The following CNTLN variants were observed in gnomAD, a reference collection of about 807,000 sequenced individuals.
CNTLN encodes the protein centlein, also known as centlein, centrosomal protein.
CNTLN carries 212 observed loss-of-function variants against 180.0 expected under a neutral mutation model. The observed-to-expected ratio is 1.18, with a 90% confidence interval of 1.05 to 1.32. The LOEUF (loss-of-function observed/expected upper bound fraction) is 1.32, where lower values mean the gene tolerates loss of function less well. Among genes scored for constraint, CNTLN ranks in the 40% most tolerant of loss-of-function variants. CNTLN has a pLI of 0.00. For synonymous variants in CNTLN, 722 were observed against 563.1 expected, an observed-to-expected ratio of 1.28 and a Z score of -3.99; for missense variants, 2,095 against 1,610.9, an observed-to-expected ratio of 1.30 and a Z score of -5.14.
intron 6 of CNTLN, among the ~76,000 whole-genome samples, chr9:17,291,984 GGTA>G (rs376023803): frequency 5.5e-4 from 84 of 152,268 alleles, no homozygotes; most frequent in African/African-American, 2.0e-3. Context: ...GCTCTTGCAA[GGTA>G]GGCCTGGTGG....
At chr9:17,410,628 C>G (rs1002786486) in intron 16 of CNTLN, among the ~76,000 whole-genome samples, 1 of 152,032 alleles carries the variant, frequency 6.6e-6, no homozygotes, top group Non-Finnish European at 1.5e-5. Flanking sequence ...GTAGATATAT[C>G]CTATGCTACC....
chr9:17,182,187 C>A (rs1821166343), intron 2 of CNTLN, among the ~76,000 whole-genome samples: 1 of 150,790 alleles, frequency 6.6e-6, no homozygotes, highest in Admixed American at 6.6e-5. Flanking sequence ...TCCTTTGGTA[C>A]TTGTCAGGAG....
At chr9:17,426,481 T>C (rs1165760115) in intron 18 of CNTLN, among the ~76,000 whole-genome samples, 1 of 152,082 alleles carries the variant, frequency 6.6e-6, no homozygotes, top group African/African-American at 2.4e-5. Context: ...TTACATATTG[T>C]TATCTGAGAG....
chr9:17,370,002 A>T lies in CNTLN; in HGVS notation c.1987+3285A>T, dbSNP rs190864764. Among the ~76,000 whole-genome samples, 2 of 151,698 alleles carry T rather than the reference A, an allele frequency of 1.3e-5. 1 individual carries two copies. The highest frequency in any genetic ancestry group is 1.3e-4 in the Admixed American group (2 of 15,230). ...CTCCATCTCGAAAAAAAAAAAAAAG[A>T]AAATACACAGAGGAGATAAAAGAAT... is the stretch of plus-strand genomic sequence containing the variant. On this transcript the variant is annotated intron_variant, in intron 13 of 25. Transcript: ENST00000380647.
chr9:17,392,351 C>T (rs1226757816), intron 14 of CNTLN, among the ~76,000 whole-genome samples: 2 of 152,058 alleles, frequency 1.3e-5, no homozygotes, highest in East Asian at 3.8e-4. Context: ...ATTTAATATG[C>T]AAAAGTATTT....
chr9:17,346,551 A>G (rs866388505), intron 12 of CNTLN, among the ~76,000 whole-genome samples: 2 of 152,154 alleles, frequency 1.3e-5, no homozygotes, highest in Non-Finnish European at 2.9e-5. Flanking sequence ...AAAATTTGCT[A>G]CTTCCTTTTG....
At chr9:17,195,531 T>C (rs1822074012) in intron 2 of CNTLN, among the ~76,000 whole-genome samples, 1 of 152,192 alleles carries the variant, frequency 6.6e-6, no homozygotes, top group Admixed American at 6.5e-5. Context: ...TTATGAGTTT[T>C]TAAGTTCTAG....
chr9:17,431,669 T>C (rs996312603), intron 18 of CNTLN, among the ~76,000 whole-genome samples: 2 of 152,128 alleles, frequency 1.3e-5, no homozygotes, highest in Non-Finnish European at 2.9e-5. Flanking sequence ...AGTTTCACAG[T>C]TGTGGGTTTC....
intron 1 of CNTLN, among the ~76,000 whole-genome samples, chr9:17,139,446 A>C (rs1343584748): frequency 6.6e-6 from 1 of 151,316 alleles, no homozygotes; most frequent in Non-Finnish European, 1.5e-5. Context: ...GGATCACTTG[A>C]GGTTGGGAGT....
intron 18 of CNTLN, among the ~76,000 whole-genome samples, chr9:17,456,027 G>A (rs2134147662): frequency 6.6e-6 from 1 of 152,146 alleles, no homozygotes; most frequent in East Asian, 1.9e-4. Flanking sequence ...AAAGGTTGAC[G>A]GGAGAGAGAG....
At chr9:17,313,419 T>G (rs1330952919) in intron 8 of CNTLN, among the ~76,000 whole-genome samples, 1 of 151,768 alleles carries the variant, frequency 6.6e-6, no homozygotes, top group African/African-American at 2.4e-5. Flanking sequence ...TTAACTGGCT[T>G]TTTTTTTAAT....
intron 2 of CNTLN, chr9:17,166,757 AGTAATAATAAAGACG>A (rs1415201361): frequency 1.0e-5 from 3 of 286,814 alleles, no homozygotes; most frequent in Non-Finnish European, 2.1e-5. Flanking sequence ...TCAAGTTTAA[AGTAATAATAAAGACG>A]TTTTCTGTAA....
chr9:17,484,296 C>T lies in CNTLN; in HGVS notation c.3857C>T (p.Ala1286Val), dbSNP rs753590294. 2 of 1,592,498 alleles carry T rather than the reference C, an allele frequency of 1.3e-6. No homozygotes were observed. Among genetic ancestry groups the T allele is most frequent in the African/African-American group, 1.4e-5 (1 of 73,024 alleles). The change falls in exon 24 of 26, where the codon GCT becomes GTT. Residue 1286 changes from alanine to valine, a missense_variant and splice_region_variant. Physicochemically the swap from Ala to Val is moderately conservative, Grantham distance 64 (BLOSUM62 0). Transcript: ENST00000380647. Reference sequence around the variant, plus strand: ...CAATTTCTTTCCAATATGTTACAGGCTTTGGCCAAAGAGTTGCAAAATGAT... The same window carrying T: ...CAATTTCTTTCCAATATGTTACAGGTTTTGGCCAAAGAGTTGCAAAATGAT... ...KVEEFTTFVK[A>V]LAKELQNDVH...
intron 19 of CNTLN, among the ~76,000 whole-genome samples, 185 bp from the exon 20 acceptor site, chr9:17,462,731 T>C (rs979426991): frequency 8.6e-5 from 13 of 151,594 alleles, no homozygotes; most frequent in African/African-American, 3.1e-4. Flanking sequence ...TATATAAAAG[T>C]TTTAGTATTA....
chr9:17,217,622 T>C (rs1375556064), intron 2 of CNTLN, among the ~76,000 whole-genome samples: 1 of 152,240 alleles, frequency 6.6e-6, no homozygotes, highest in Non-Finnish European at 1.5e-5. Context: ...GTGCTGATTT[T>C]CAAACACTGG....
the CNTLN span, among the ~76,000 whole-genome samples, chr9:17,514,755 A>T: frequency 6.6e-6 from 1 of 152,236 alleles, no homozygotes; most frequent in Non-Finnish European, 1.5e-5. Context: ...ATTAATGCTT[A>T]CTGTGGCATG....
At chr9:17,397,135 A>G (rs923529257) in intron 15 of CNTLN, among the ~76,000 whole-genome samples, 17 of 152,128 alleles carry the variant, frequency 1.1e-4, no homozygotes, top group African/African-American at 4.1e-4. Flanking sequence ...TAAATAATCA[A>G]TAGTTAGGTA....
chr9:17,471,880 A>G (rs1315458362), intron 23 of CNTLN, among the ~76,000 whole-genome samples: 2 of 152,096 alleles, frequency 1.3e-5, no homozygotes, highest in Non-Finnish European at 2.9e-5. Flanking sequence ...TTTAAAAAAG[A>G]GGAAAGTAAT....
At chr9:17,458,012 G>T (rs1831236326) in intron 19 of CNTLN, among the ~76,000 whole-genome samples, 2 of 151,854 alleles carry the variant, frequency 1.3e-5, no homozygotes, top group Non-Finnish European at 2.9e-5. Flanking sequence ...CCCTCCAGCT[G>T]AACAGAATCC....
Sources: allele counts gnomAD v4.1 joint callset (sites outside exome capture counted in the v4.1 genomes callset), GRCh38; gene constraint gnomAD v4.1.1; transcripts MANE v1.5; gene names NCBI Gene and HGNC (gene_info 2026-07-23, HGNC 2026-07-21).